The following ATAD1 variants were observed in gnomAD, a reference collection of about 807,000 sequenced individuals.
ATAD1 encodes outer mitochondrial transmembrane helix translocase.
A neutral mutation model predicts 42.7 loss-of-function variants in ATAD1; 18 were observed. The ratio of observed to expected loss-of-function variants is 0.42; its 90% CI spans 0.29 to 0.63. ATAD1 has a LOEUF of 0.63. ATAD1 is among the 20% of genes least tolerant of loss of function. The pLI is 0.19. For missense variants in ATAD1, 294 were observed against 440.4 expected, an observed-to-expected ratio of 0.67 and a Z score of 2.98; for synonymous variants, 132 against 143.1, an observed-to-expected ratio of 0.92 and a Z score of 0.55.
At chr10:87,809,424 A>G (rs980177597) in intron 2 of ATAD1, among the ~76,000 whole-genome samples, 4 of 152,112 alleles carry the variant, frequency 2.6e-5, no homozygotes, top group African/African-American at 9.7e-5. Flanking sequence ...CATGTTGAGT[A>G]GCGTGAGGAA....
At chr10:87,781,163 C>T (rs1855541862) in intron 5 of ATAD1, among the ~76,000 whole-genome samples, 1 of 151,798 alleles carries the variant, frequency 6.6e-6, no homozygotes, top group African/African-American at 2.4e-5. Context: ...TTACAAATGA[C>T]ACAAGGAAAC....
chr10:87,760,308 T>C (rs1349617656), intron 8 of ATAD1, among the ~76,000 whole-genome samples: 1 of 152,112 alleles, frequency 6.6e-6, no homozygotes, highest in Non-Finnish European at 1.5e-5. Flanking sequence ...GTTCTCATGA[T>C]AGTGAGTGAG....
At chr10:87,767,811 A>G in intron 7 of ATAD1, 88 bp from the exon 8 acceptor site, 1 of 1,298,990 alleles carries the variant, frequency 7.7e-7, no homozygotes, top group Non-Finnish European at 1.1e-6. Flanking sequence ...TGTCCCTTCT[A>G]AAGTCTCTCT....
chr10:87,781,464 TG>T (rs958957887), intron 5 of ATAD1, among the ~76,000 whole-genome samples: 42 of 152,218 alleles, frequency 2.8e-4, no homozygotes, highest in African/African-American at 1.0e-3. Flanking sequence ...ATTTTTAAGT[TG>T]TACCATTATT....
chr10:87,809,208 G>A (rs754881312), intron 2 of ATAD1, among the ~76,000 whole-genome samples: 1 of 152,116 alleles, frequency 6.6e-6, no homozygotes, highest in African/African-American at 2.4e-5. Flanking sequence ...TTGGGATACT[G>A]ACCCCAACAC....
Position 87,814,593 on chromosome 10 carries a change from G to A in ATAD1, c.7C>T (p.His3Tyr). ...AAAGGACGAGAAAAGGCTTCAGCAT[G>A]TACCATCTTGAATGTTAACCTTAAA... MV[H>Y]AEAFSRPLSR... Residue 3 changes from histidine to tyrosine, a missense_variant, in exon 2 of 10, where the codon CAT becomes TAT. Physicochemically the swap from His to Tyr is moderately conservative, Grantham distance 83. Coordinates refer to ENST00000680024, the MANE Select transcript of ATAD1 (RefSeq NM_001321967.2). The A allele has an allele frequency of 3.7e-6, 6 of 1,604,372 alleles. No homozygotes were observed. Among genetic ancestry groups the A allele is most frequent in the Non-Finnish European group, 5.1e-6 (6 of 1,176,076 alleles).
chr10:87,839,445 G>A lies in ATAD1; in HGVS notation c.-14+1742C>T, dbSNP rs140964283. Reference sequence around the variant, plus strand: ...GGATCGTATTGAATAATATAAATGAGTAGAAGGAAGATAAAGCAATTTGCT... The same window carrying A: ...GGATCGTATTGAATAATATAAATGAATAGAAGGAAGATAAAGCAATTTGCT... On this transcript the variant is annotated intron_variant, in intron 1 of 4. Transcript: ENST00000495903. 1.1e-3 allele frequency among the ~76,000 whole-genome samples: 162 copies of A among 152,322 alleles called. 2 individuals carry two copies. In the East Asian group the frequency reaches 0.027, roughly 25 times the overall value.
Position 87,784,450 on chromosome 10 carries a change from A to G in ATAD1, c.583+20T>C, listed in dbSNP as rs749971953. The G allele has an allele frequency of 4.4e-6, 7 of 1,607,520 alleles. No homozygotes were observed. In the South Asian group the frequency reaches 7.7e-5, roughly 18 times the overall value. ...CTAAAAATGGCCTTTAAAAATACTC[A>G]TATAGAAAACATAGCATACCTATTT... On this transcript the variant is annotated intron_variant, in intron 5 of 9. Transcript: ENST00000680024.
intron 1 of ATAD1, among the ~76,000 whole-genome samples, chr10:87,815,573 T>C (rs1482160073): frequency 6.6e-6 from 1 of 152,058 alleles, no homozygotes; most frequent in Non-Finnish European, 1.5e-5. Flanking sequence ...TTTGTATGGC[T>C]CAGCAGATAA....
chr10:87,824,605 TG>T (rs1359572402), intron 1 of ATAD1, among the ~76,000 whole-genome samples: 1 of 152,228 alleles, frequency 6.6e-6, no homozygotes, highest in Non-Finnish European at 1.5e-5. Context: ...AACATGCTGG[TG>T]TAATACCTCA....
chr10:87,795,299 G>A (rs1243009119), intron 2 of ATAD1, among the ~76,000 whole-genome samples: 3 of 152,032 alleles, frequency 2.0e-5, no homozygotes, highest in Non-Finnish European at 2.9e-5. Flanking sequence ...CTGTGTCCCA[G>A]GAAGAAGTTA....
intron 8 of ATAD1, among the ~76,000 whole-genome samples, chr10:87,761,132 T>C (rs542125140): frequency 2.0e-5 from 3 of 152,116 alleles, no homozygotes; most frequent in Non-Finnish European, 4.4e-5. Flanking sequence ...ATGACAGTGC[T>C]CAGTTTACCA....
At chr10:87,798,347 G>A (rs970876029) in intron 2 of ATAD1, among the ~76,000 whole-genome samples, 1 of 152,110 alleles carries the variant, frequency 6.6e-6, no homozygotes, top group African/African-American at 2.4e-5. Flanking sequence ...AGGTTTTATG[G>A]CACCACTACT....
chr10:87,755,470 A>G (rs1324887811), intron 9 of ATAD1, among the ~76,000 whole-genome samples: 2 of 152,216 alleles, frequency 1.3e-5, no homozygotes, highest in African/African-American at 4.8e-5. Context: ...TTCAGGAAAT[A>G]TAAAACTAGC....
intron 1 of ATAD1, among the ~76,000 whole-genome samples, chr10:87,825,121 T>G (rs756945526): frequency 6.6e-6 from 1 of 152,120 alleles, no homozygotes; most frequent in African/African-American, 2.4e-5. Context: ...CAGCTGTTGA[T>G]TTTAAGTTAG....
At chr10:87,792,120 G>C (rs1856152571) in intron 3 of ATAD1, among the ~76,000 whole-genome samples, 1 of 152,208 alleles carries the variant, frequency 6.6e-6, no homozygotes, top group Admixed American at 6.5e-5. Flanking sequence ...AGGCATATTT[G>C]CAAGATTGGC....
chr10:87,812,475 C>T (rs1405326633), intron 2 of ATAD1, among the ~76,000 whole-genome samples: 2 of 152,088 alleles, frequency 1.3e-5, no homozygotes, highest in Non-Finnish European at 2.9e-5. Flanking sequence ...GTTGGCCAGG[C>T]TGATCTCCAA....
chr10:87,791,444 C>A (rs138837865), intron 3 of ATAD1, among the ~76,000 whole-genome samples: 131 of 144,022 alleles, frequency 9.1e-4, no homozygotes, highest in African/African-American at 3.2e-3. Context: ...TGCAAACCAG[C>A]AGCCAGATCT....
At chr10:87,798,877 T>C (rs1210001128) in intron 2 of ATAD1, among the ~76,000 whole-genome samples, 1 of 152,092 alleles carries the variant, frequency 6.6e-6, no homozygotes, top group Non-Finnish European at 1.5e-5. Flanking sequence ...ATTTGAAGTC[T>C]ATGGTAGGAA....
Sources: gnomAD v4.1 joint callset for allele counts (sites outside exome capture counted in the v4.1 genomes callset) on GRCh38, gnomAD v4.1.1 for gene constraint, MANE v1.5 for transcripts, NCBI Gene and HGNC (gene_info 2026-07-23, HGNC 2026-07-21) for gene names.